Variants in MALRD1 observed in about 807,000 individuals in gnomAD.
MALRD1 encodes MAM and LDL receptor class A domain containing 1.
Under a neutral mutation model 242.1 loss-of-function variants are expected in MALRD1, and 247 were observed. That is an observed-to-expected ratio of 1.02 (90% confidence interval 0.92 to 1.13). MALRD1 has a LOEUF of 1.13. Among genes scored for constraint, MALRD1 ranks in the 50% most tolerant of loss-of-function variants. The pLI is 0.00. For missense variants in MALRD1, 2,989 were observed against 2,533.1 expected, an observed-to-expected ratio of 1.18 and a Z score of -3.86; for synonymous variants, 995 against 866.6, an observed-to-expected ratio of 1.15 and a Z score of -2.60.
intron 14 of MALRD1, among the ~76,000 whole-genome samples, chr10:19,200,100 C>T (rs184232098): frequency 6.6e-6 from 1 of 152,184 alleles, no homozygotes; most frequent in African/African-American, 2.4e-5. Context: ...TGCACTCCAG[C>T]CTGGGTGACT....
intron 1 of MALRD1, among the ~76,000 whole-genome samples, chr10:19,055,820 A>G (rs4433482): frequency 0.39 from 58,961 of 151,958 alleles, 11,709 homozygotes; most frequent in African/African-American, 0.45. Flanking sequence ...ACACAAAGAG[A>G]GGAACAACAG....
chr10:19,510,949 C>G (rs1276627368), intron 31 of MALRD1, among the ~76,000 whole-genome samples: 1 of 152,180 alleles, frequency 6.6e-6, no homozygotes, highest in East Asian at 1.9e-4. Flanking sequence ...ACTGTAGACA[C>G]TCCCCGCTGT....
At chr10:19,124,721 A>G (rs1413944938) in intron 7 of MALRD1, 51 bp downstream of exon 7, 42 of 1,224,702 alleles carry the variant, frequency 3.4e-5, no homozygotes, top group Non-Finnish European at 4.3e-5. Flanking sequence ...ATTCTGCTTT[A>G]TGGTGACTAG....
chr10:19,467,978 G>A (rs796296105), intron 29 of MALRD1, among the ~76,000 whole-genome samples: 11 of 152,056 alleles, frequency 7.2e-5, no homozygotes, highest in African/African-American at 2.7e-4. Context: ...ATGTTTAGTA[G>A]AGACTGGGTT....
At chr10:19,679,711 C>T (rs560011536) in intron 36 of MALRD1, among the ~76,000 whole-genome samples, 1 of 151,014 alleles carries the variant, frequency 6.6e-6, no homozygotes, top group Non-Finnish European at 1.5e-5. Flanking sequence ...GTTTTTTTTC[C>T]TCTTGGTTCT....
chr10:19,590,458 A>T (rs536748538), intron 33 of MALRD1, among the ~76,000 whole-genome samples: 1 of 150,804 alleles, frequency 6.6e-6, no homozygotes, highest in Non-Finnish European at 1.5e-5. Context: ...GATCTGTCCT[A>T]TGCCTTTGCA....
chr10:19,637,526 G>A (rs116515147), intron 36 of MALRD1, among the ~76,000 whole-genome samples: 1 of 152,104 alleles, frequency 6.6e-6, no homozygotes, highest in African/African-American at 2.4e-5. Context: ...ATGTTGACCC[G>A]GCTCCAGAAT....
chr10:19,231,268 C>T (rs886136273), intron 18 of MALRD1, among the ~76,000 whole-genome samples: 4 of 152,164 alleles, frequency 2.6e-5, no homozygotes, highest in African/African-American at 9.7e-5. Context: ...GTGACTGCCT[C>T]ACATCTCAAC....
In MALRD1 at chr10:19,203,118, T is replaced by C. The variant is rs140849101; in HGVS notation, c.1952-610T>C. Among the ~76,000 whole-genome samples, 647 of 152,284 alleles carry C rather than the reference T, an allele frequency of 4.2e-3. 5 individuals are homozygous for C. The highest frequency in any genetic ancestry group is 0.014 in the African/African-American group (590 of 41,566). ...CCTTTCTTTTTCTTTCTCTTCTTCC[T>C]TTTTTCCTCTTCATCTTCCAAAATA... On this transcript the variant is annotated intron_variant, in intron 14 of 39. Coordinates refer to ENST00000454679, the MANE Select transcript of MALRD1 (RefSeq NM_001142308.3).
At chr10:19,052,590 C>T (rs984717368) in intron 1 of MALRD1, among the ~76,000 whole-genome samples, 2 of 152,130 alleles carry the variant, frequency 1.3e-5, no homozygotes, top group Non-Finnish European at 2.9e-5. Context: ...CTCCTGCCTC[C>T]CACCTTCCGT....
At chr10:19,734,023 GAGT>G in intron 39 of MALRD1, 131 bp from the exon 40 acceptor site, 2 of 629,150 alleles carry the variant, frequency 3.2e-6, no homozygotes, top group Non-Finnish European at 5.3e-6. Flanking sequence ...GCTGGAAGAA[GAGT>G]CAGGGATGTT....
intron 32 of MALRD1, 90 bp downstream of exon 32, chr10:19,531,441 G>C: frequency 3.1e-6 from 4 of 1,289,106 alleles, no homozygotes; most frequent in Non-Finnish European, 4.2e-6. Flanking sequence ...TATTTTTGTT[G>C]GTCACACCGC....
chr10:19,671,971 C>G (rs183397897), intron 36 of MALRD1, among the ~76,000 whole-genome samples: 2 of 151,628 alleles, frequency 1.3e-5, no homozygotes, highest in African/African-American at 4.8e-5. Context: ...TTTCTCTTGC[C>G]CTAACCAACT....
intron 26 of MALRD1, among the ~76,000 whole-genome samples, chr10:19,379,142 ATATCT>A (rs1481216624): frequency 3.3e-5 from 5 of 151,940 alleles, no homozygotes; most frequent in African/African-American, 1.2e-4. Context: ...ACATGTAGTG[ATATCT>A]TGTCTTTCCT....
chr10:19,330,709 C>T (rs1456086568), intron 23 of MALRD1, among the ~76,000 whole-genome samples: 1 of 152,136 alleles, frequency 6.6e-6, no homozygotes, highest in Non-Finnish European at 1.5e-5. Context: ...TTAATGATTC[C>T]TGTTACTATT....
chr10:19,563,160 T>G (rs986802682), intron 32 of MALRD1, among the ~76,000 whole-genome samples: 1 of 152,152 alleles, frequency 6.6e-6, no homozygotes, highest in Non-Finnish European at 1.5e-5. Flanking sequence ...TCTGAAGCTA[T>G]AGAGGGCAGT....
At position 19,136,678 on chromosome 10, in the gene MALRD1, A is replaced by G. The variant is rs1833350878; in HGVS notation, c.1308A>G (p.Ala436=). ...GQTQSRKLCS[A]DEFPCTSGQC... is the part of the protein sequence containing the mutation. Reference sequence around the variant, plus strand: ...CCCAATCCAGAAAGCTTTGCTCTGCAGACGAATTCCCTTGCACTAGTGGCC... The same window carrying G: ...CCCAATCCAGAAAGCTTTGCTCTGCGGACGAATTCCCTTGCACTAGTGGCC... The change falls in exon 10 of 40, where the codon GCA becomes GCG. Residue 436 remains alanine, a synonymous_variant. Coordinates refer to ENST00000454679, the MANE Select transcript of MALRD1 (RefSeq NM_001142308.3). 8 of 1,231,726 alleles carry G rather than the reference A, an allele frequency of 6.5e-6. No individual in the cohort carries two copies. The highest frequency in any genetic ancestry group is 6.2e-4 in the Middle Eastern group (2 of 3,210). 76.3% of individuals were successfully genotyped at this position (1,231,726 alleles called of 1,614,324 possible).
intron 29 of MALRD1, among the ~76,000 whole-genome samples, chr10:19,451,240 G>A (rs1043778755): frequency 3.9e-5 from 6 of 152,024 alleles, no homozygotes; most frequent in African/African-American, 1.4e-4. Flanking sequence ...AAATCTGGTA[G>A]TAAGTGCATC....
chr10:19,224,936 G>A (rs1447731038), intron 18 of MALRD1, among the ~76,000 whole-genome samples: 1 of 152,100 alleles, frequency 6.6e-6, no homozygotes, highest in African/African-American at 2.4e-5. Context: ...GAATGGTATT[G>A]GCTAGGTTTT....
Sources: allele counts gnomAD v4.1 joint callset (sites outside exome capture counted in the v4.1 genomes callset), GRCh38; gene constraint gnomAD v4.1.1; transcripts MANE v1.5; gene names NCBI Gene and HGNC (gene_info 2026-07-23, HGNC 2026-07-21).